The following SH3BGRL2 variants were observed in gnomAD, a reference collection of about 807,000 sequenced individuals.
SH3BGRL2 encodes the protein SH3 domain binding glutamate rich protein like 2, also known as SH3 domain-binding glutamic acid-rich-like protein 2.
In SH3BGRL2, 21 loss-of-function variants were observed where a neutral mutation model predicts 14.8. The observed-to-expected ratio is 1.42, with a 90% CI of 1.01 to 2.05. The LOEUF (loss-of-function observed/expected upper bound fraction) is 2.05, where lower values mean the gene tolerates loss of function less well. SH3BGRL2 is among the 30% of genes most tolerant of loss of function. The probability of loss-of-function intolerance (pLI) is 0.00; values close to 1 mark genes in which losing one functional copy is unlikely to be tolerated. For synonymous variants in SH3BGRL2, 50 were observed against 47.8 expected (o/e 1.05, Z -0.19); for missense variants, 147 against 130.8 (o/e 1.12, Z -0.61).
chr6:79,672,533 TG>T lies in SH3BGRL2; in HGVS notation c.46-1080del, dbSNP rs564147181. 1.0e-2 allele frequency among the ~76,000 whole-genome samples: 1,523 copies of T among 152,336 alleles called. 20 individuals carry two copies. The highest frequency in any genetic ancestry group is 0.014 in the South Asian group (69 of 4,820). The stretch of plus-strand genomic sequence containing the variant: ...ATGTTAACAGTACATACAGAGCTTC[TG>T]TTTTTTTTCTTTTTAAGCTGCATAC... On this transcript the variant is annotated intron_variant, in intron 1 of 3. Coordinates refer to ENST00000369838, the MANE Select transcript of SH3BGRL2 (RefSeq NM_031469.4).
the SH3BGRL2 span, among the ~76,000 whole-genome samples, chr6:79,602,535 C>T: frequency 1.7e-3 from 261 of 152,162 alleles, no homozygotes; most frequent in African/African-American, 6.2e-3. Context: ...AATATAGGCT[C>T]CAGATTTGTA....
chr6:79,665,190 A>G (rs1289762575), intron 1 of SH3BGRL2, among the ~76,000 whole-genome samples: 2 of 152,138 alleles, frequency 1.3e-5, no homozygotes, highest in African/African-American at 4.8e-5. Context: ...ACAGAGCGAG[A>G]CTCCGTCTCT....
At chr6:79,645,436 A>G (rs935521739) in intron 1 of SH3BGRL2, among the ~76,000 whole-genome samples, 1 of 152,186 alleles carries the variant, frequency 6.6e-6, no homozygotes, top group Non-Finnish European at 1.5e-5. Flanking sequence ...TTGTGGTATC[A>G]TGGCATCTTG....
At chr6:79,538,578 G>A in the SH3BGRL2 span, among the ~76,000 whole-genome samples, 48,522 of 152,112 alleles carry the variant, frequency 0.32, 8,793 homozygotes, top group East Asian at 0.81. Context: ...TCTTTAATCT[G>A]TCTCTGCTGA....
chr6:79,559,062 G>T, the SH3BGRL2 span, among the ~76,000 whole-genome samples: 1 of 152,096 alleles, frequency 6.6e-6, no homozygotes, highest in Non-Finnish European at 1.5e-5. Flanking sequence ...TTATTGAAAA[G>T]GCCGGCACAG....
intron 1 of SH3BGRL2, among the ~76,000 whole-genome samples, chr6:79,653,595 TTTTCTGTAAA>T (rs1769346991): frequency 6.6e-6 from 1 of 152,248 alleles, no homozygotes; most frequent in Non-Finnish European, 1.5e-5. Context: ...TTCATTTACA[TTTTCTGTAAA>T]TAGAGAAAGG....
In SH3BGRL2 at chr6:79,673,623, A is replaced by C. The variant is rs61348674; in HGVS notation, c.55A>C (p.Lys19Gln). The C allele has an allele frequency of 5.1e-4, 831 of 1,613,892 alleles. 1 individual carries two copies. The highest frequency in any genetic ancestry group is 3.2e-3 in the African/African-American group (243 of 74,966). Residue 19 changes from lysine to glutamine, a missense_variant, in exon 2 of 4, where the codon AAG (lysine) becomes CAG (glutamine). Physicochemically the swap from Lys to Gln is moderately conservative, Grantham distance 53. Transcript: ENST00000369838. ...SSSGFVAIKKKQQDVVRFLEA... is the reference protein window; with the variant it reads ...SSSGFVAIKKQQQDVVRFLEA... The stretch of plus-strand genomic sequence containing the variant: ...TGTCTTCTCTCTTTAGATAAAGAAG[A>C]AGCAGCAAGATGTGGTTAGATTTCT...
At chr6:79,662,756 C>T (rs1769578464) in intron 1 of SH3BGRL2, among the ~76,000 whole-genome samples, 1 of 152,090 alleles carries the variant, frequency 6.6e-6, no homozygotes, top group Non-Finnish European at 1.5e-5. Flanking sequence ...AACTTGGTTC[C>T]ATTCTCCCCA....
At chr6:79,693,363 T>G (rs1770265715) in intron 2 of SH3BGRL2, among the ~76,000 whole-genome samples, 1 of 151,676 alleles carries the variant, frequency 6.6e-6, no homozygotes, top group African/African-American at 2.4e-5. Flanking sequence ...TTCTCCTGCC[T>G]GATTGCCCTG....
intron 1 of SH3BGRL2, among the ~76,000 whole-genome samples, chr6:79,669,383 G>A (rs1004164071): frequency 1.3e-4 from 19 of 151,366 alleles, no homozygotes; most frequent in Middle Eastern, 3.4e-3. Context: ...ACCTGTGAAC[G>A]TCTTGTCTAG....
chr6:79,692,950 T>C lies in SH3BGRL2; in HGVS notation c.232-3535T>C, dbSNP rs1157093282. On this transcript the variant is annotated intron_variant, in intron 2 of 3. Coordinates refer to ENST00000369838, the MANE Select transcript of SH3BGRL2 (RefSeq NM_031469.4). ...TTAATCTATAAATTACCTTGGGTAGTATGGCCATTTTCACGATATTGATTC... is the reference window on the plus strand; with the variant it reads ...TTAATCTATAAATTACCTTGGGTAGCATGGCCATTTTCACGATATTGATTC... Among the ~76,000 whole-genome samples, 9 of 152,306 alleles carry C rather than the reference T, an allele frequency of 5.9e-5. No homozygotes were observed. In the East Asian group the frequency reaches 1.4e-3, roughly 23 times the overall value.
At chr6:79,661,243 T>C (rs1284172206) in intron 1 of SH3BGRL2, among the ~76,000 whole-genome samples, 2 of 152,230 alleles carry the variant, frequency 1.3e-5, no homozygotes, top group Non-Finnish European at 2.9e-5. Flanking sequence ...TTTTAGATCT[T>C]TCCTGCTTTC....
At chr6:79,590,422 G>GAGA in the SH3BGRL2 span, among the ~76,000 whole-genome samples, 7 of 46,488 alleles carry the variant, frequency 1.5e-4, no homozygotes, top group East Asian at 1.7e-3. Flanking sequence ...TAAAGAAAAT[G>GAGA]TGATATATAT....
At chr6:79,690,012 G>A (rs1042105848) in intron 2 of SH3BGRL2, among the ~76,000 whole-genome samples, 3 of 151,188 alleles carry the variant, frequency 2.0e-5, no homozygotes, top group African/African-American at 4.9e-5. Context: ...TAGGCCCTCC[G>A]TCACTCTGTC....
chr6:79,574,309 G>A, the SH3BGRL2 span: 1 of 152,140 alleles, frequency 6.6e-6, no homozygotes, highest in African/African-American at 2.4e-5. Context: ...AGAAACTAAT[G>A]GAATGAGGTT....
chr6:79,681,306 A>G (rs1390046455), intron 2 of SH3BGRL2, among the ~76,000 whole-genome samples: 2 of 152,178 alleles, frequency 1.3e-5, no homozygotes, highest in Non-Finnish European at 2.9e-5. Context: ...TTTTAAAACT[A>G]TTGAGTTAAT....
At chr6:79,696,390 A>C (rs1201214780) in intron 2 of SH3BGRL2, 95 bp from the exon 3 acceptor site, 12 of 914,930 alleles carry the variant, frequency 1.3e-5, no homozygotes, top group Middle Eastern at 6.3e-4. Flanking sequence ...GCAATGGTAC[A>C]TTTTTTACTT....
At chr6:79,621,261 C>G in the SH3BGRL2 span, among the ~76,000 whole-genome samples, 1 of 152,112 alleles carries the variant, frequency 6.6e-6, no homozygotes, top group African/African-American at 2.4e-5. Context: ...CCTTCTCAAC[C>G]CAAAATTATA....
Position 79,649,999 on chromosome 6 carries a change from A to ACACACG in SH3BGRL2, c.45+18498_45+18499insGCACAC, listed in dbSNP as rs1223137262. Among the ~76,000 whole-genome samples the ACACACG allele has an allele frequency of 5.3e-5, 8 of 151,788 alleles. No individual in the cohort carries two copies. The South Asian group carries it at 1.7e-3, about 32-fold the overall frequency. The stretch of plus-strand genomic sequence containing the variant: ...CTCTCTCTCTCTCACACACACACAC[A>ACACACG]CACACACACACACACACAGTTACCC... On this transcript the variant is annotated intron_variant, in intron 1 of 3. Coordinates refer to ENST00000369838, the MANE Select transcript of SH3BGRL2 (RefSeq NM_031469.4).
Sources: gnomAD v4.1 joint callset for allele counts (sites outside exome capture counted in the v4.1 genomes callset) on GRCh38, gnomAD v4.1.1 for gene constraint, MANE v1.5 for transcripts, NCBI Gene and HGNC (gene_info 2026-07-23, HGNC 2026-07-21) for gene names.